Variants in RBP4 observed in about 807,000 individuals in gnomAD.
RBP4 encodes retinol-binding protein 4.
A neutral mutation model predicts 26.2 loss-of-function variants in RBP4; 9 were observed. The ratio of observed to expected loss-of-function variants is 0.34; its 90% CI spans 0.21 to 0.60. The LOEUF is 0.60. Ranked by LOEUF, RBP4 falls within the 20% of genes least tolerant of loss-of-function variation. RBP4 has a pLI of 0.80. For missense variants in RBP4, 244 were observed against 271.3 expected, an observed-to-expected ratio of 0.90 and a Z score of 0.71; for synonymous variants, 114 against 111.0, an observed-to-expected ratio of 1.03 and a Z score of -0.17.
chr10:93,596,267 A>G (rs2058302389), intron 4 of RBP4, among the ~76,000 whole-genome samples: 1 of 151,744 alleles, frequency 6.6e-6, no homozygotes, highest in South Asian at 2.1e-4. Flanking sequence ...GAATTAAGTA[A>G]CTTTCAATAC....
At chr10:93,592,824 TATTA>T (rs386746636) in intron 5 of RBP4, among the ~76,000 whole-genome samples, 3 of 150,820 alleles carry the variant, frequency 2.0e-5, no homozygotes, top group Non-Finnish European at 2.9e-5. Context: ...TTATTATTAT[TATTA>T]TTTTTTTGAG....
rs531706535 is a variant in RBP4 at position 93,591,797 on chromosome 10, C to T, written c.*278G>A. ...TATAAAGAAGCGCACCCCACCCATCCGTCTGCAGCACAGACATAAACACAA... is the reference window on the plus strand; with the variant it reads ...TATAAAGAAGCGCACCCCACCCATCTGTCTGCAGCACAGACATAAACACAA... On this transcript the variant is annotated 3_prime_UTR_variant, in exon 6 of 6. Transcript: ENST00000371464. The T allele has an allele frequency of 1.8e-5, 8 of 445,918 alleles. No homozygotes were observed. Among genetic ancestry groups the T allele is most frequent in the South Asian group, 2.6e-5 (1 of 37,742 alleles). 27.6% of individuals were successfully genotyped at this position (445,918 alleles called of 1,614,324 possible). A position where few individuals can be genotyped will look rare whatever the true frequency, so the allele number is the denominator to read the frequency against.
chr10:93,601,693 T>A (rs754634126), upstream of RBP4: 1 of 779,118 alleles, frequency 1.3e-6, no homozygotes, highest in South Asian at 1.3e-5. Flanking sequence ...GGTCCACTTG[T>A]GCAGGAATTT....
chr10:93,597,130 C>T (rs1417486268), intron 4 of RBP4, among the ~76,000 whole-genome samples: 2 of 152,222 alleles, frequency 1.3e-5, no homozygotes, highest in East Asian at 3.8e-4. Context: ...GAATTTCTGA[C>T]TCCATAATTC....
intron 5 of RBP4, among the ~76,000 whole-genome samples, chr10:93,592,758 T>A (rs923279188): frequency 2.6e-5 from 4 of 152,178 alleles, no homozygotes; most frequent in Non-Finnish European, 5.9e-5. Context: ...TAAGTTCCCA[T>A]CTGTTTGGTG....
rs556817192 is a variant in RBP4, at chr10:93,598,404, C to A, written c.355+1989G>T. Reference sequence around the variant, plus strand: ...GTGAAGGAACATATCTAAAGTTCCACAAGTAGTGGTGGAGTTGGGATTTGA... The same window carrying A: ...GTGAAGGAACATATCTAAAGTTCCAAAAGTAGTGGTGGAGTTGGGATTTGA... On this transcript the variant is annotated intron_variant, in intron 4 of 5. Coordinates refer to ENST00000371464, the MANE Select transcript of RBP4 (RefSeq NM_006744.4). Among the ~76,000 whole-genome samples the A allele has an allele frequency of 8.5e-5, 13 of 152,324 alleles. No individual in the cohort carries two copies. The South Asian group carries it at 2.7e-3, about 32-fold the overall frequency.
In RBP4 at chr10:93,600,932, A is replaced by G. The variant is rs1384395427; in HGVS notation, c.97T>C (p.Phe33Leu). 1 of 1,612,474 alleles carries G rather than the reference A, an allele frequency of 6.2e-7. No individual in the cohort carries two copies. ...CCGATACCTACGCGAGCCTTGTCGA[A>G]GTTCTCCTTGACTCGGAAGCTGCTC... ...RVSSFRVKENFDKARFSGTWY... is the reference protein window; with the variant it reads ...RVSSFRVKENLDKARFSGTWY... The change falls in exon 2 of 6, where the codon TTC becomes CTC. Residue 33 changes from phenylalanine to leucine, a missense_variant. Coordinates refer to ENST00000371464, the MANE Select transcript of RBP4 (RefSeq NM_006744.4).
intron 1 of RBP4, 48 bp downstream of exon 1, chr10:93,601,123 A>ACCCCC (rs2058336014): frequency 5.4e-6 from 4 of 740,226 alleles, no homozygotes; most frequent in African/African-American, 6.3e-5. Flanking sequence ...ACCCCACCCC[A>ACCCCC]CCCCGGCCCA....
chr10:93,597,029 T>G (rs56057449), intron 4 of RBP4, among the ~76,000 whole-genome samples: 15,050 of 152,240 alleles, frequency 0.099, 887 homozygotes, highest in African/African-American at 0.13. Context: ...CAGATTGAAT[T>G]ATCTAGACCA....
In RBP4 at chr10:93,600,968, C is replaced by A; in HGVS notation, c.61G>T (p.Asp21Tyr). ...AALGSGRAER[D>Y]CRVSSFRVKE... ...ACTCGGAAGCTGCTCACTCGGCAGT[C>A]GCGCTCCGCGCGGCCGCTGCCCAGC... Residue 21 changes from aspartate (D) to tyrosine (Y), a missense_variant, in exon 2 of 6, where the codon GAC becomes TAC. Physicochemically the swap from Asp to Tyr is radical, Grantham distance 160. Coordinates refer to ENST00000371464, the MANE Select transcript of RBP4 (RefSeq NM_006744.4). The A allele has an allele frequency of 6.2e-7, 1 of 1,612,362 alleles. No homozygotes were observed. Among genetic ancestry groups the A allele is most frequent in the Non-Finnish European group, 8.5e-7 (1 of 1,179,752 alleles).
chr10:93,592,068 G>C lies in RBP4; in HGVS notation c.*7C>G. The C allele has an allele frequency of 6.2e-7, 1 of 1,611,592 alleles. No homozygotes were observed. The highest frequency in any genetic ancestry group is 1.3e-5 in the African/African-American group (1 of 75,022). The stretch of plus-strand genomic sequence containing the variant: ...AGTTCTCAGATGAAACTAGATTCTT[G>C]ATATTGCTACAAAAGGTTTCTTTCT... On this transcript the variant is annotated 3_prime_UTR_variant, in exon 6 of 6. Coordinates refer to ENST00000371464, the MANE Select transcript of RBP4 (RefSeq NM_006744.4).
In RBP4 at chr10:93,592,254, C is replaced by T. The variant is rs574486887; in HGVS notation, c.569-142G>A. ...GCATCACAGCAGATTGCAACCCTTA[C>T]GGATACAGGTGGCTGTAATTCATAA... On this transcript the variant is annotated intron_variant, in intron 5 of 5. Transcript: ENST00000371464. 115 of 748,152 alleles carry T rather than the reference C, an allele frequency of 1.5e-4. No individual in the cohort carries two copies. The African/African-American group carries it at 1.6e-3, about 10-fold the overall frequency. 46.3% of individuals were successfully genotyped at this position (748,152 alleles called of 1,614,324 possible).
At chr10:93,599,145 A>T (rs2058319607) in intron 4 of RBP4, among the ~76,000 whole-genome samples, 1 of 152,040 alleles carries the variant, frequency 6.6e-6, no homozygotes, top group African/African-American at 2.4e-5. Flanking sequence ...GCTACTCAGG[A>T]GGCTGAGGTG....
intron 5 of RBP4, among the ~76,000 whole-genome samples, chr10:93,592,617 G>T (rs1386075782): frequency 2.0e-5 from 3 of 152,120 alleles, no homozygotes; most frequent in African/African-American, 7.2e-5. Context: ...CTTCCTCATT[G>T]TCAGCCTCTG....
In RBP4 at chr10:93,600,999, C is replaced by A; in HGVS notation, c.30G>T (p.Leu10Phe). ...CCGCGCGGCCGCTGCCCAGCGCCGC[C>A]AACAGCAAGAGCGCCCACACCCACT... MKWVWALLLLAALGSGRAER... is the reference protein window; with the variant it reads MKWVWALLLFAALGSGRAER... The change falls in exon 2 of 6, where the codon TTG becomes TTT. Residue 10 changes from leucine (L) to phenylalanine (F), a missense_variant. By Grantham distance (22) the Leu-to-Phe change is conservative. Coordinates refer to ENST00000371464, the MANE Select transcript of RBP4 (RefSeq NM_006744.4). The A allele has an allele frequency of 6.2e-7, 1 of 1,612,070 alleles. No individual in the cohort carries two copies.
intron 4 of RBP4, among the ~76,000 whole-genome samples, chr10:93,597,920 G>C (rs1274389023): frequency 6.6e-6 from 1 of 152,192 alleles, no homozygotes; most frequent in Non-Finnish European, 1.5e-5. Context: ...AGGAATGAAA[G>C]TAGAGTTTGT....
intron 5 of RBP4, 117 bp downstream of exon 5, chr10:93,593,706 A>C (rs1289877295): frequency 8.2e-7 from 1 of 1,223,092 alleles, no homozygotes; most frequent in Non-Finnish European, 1.2e-6. Context: ...AGGGGCTCCC[A>C]AGAACCCCTG....
Position 93,591,767 on chromosome 10 carries a change from C to T in RBP4, c.*308G>A. ...CAAAGGTCAGAAAGAGCCACGTGCT[C>T]CTGGTATAAAGAAGCGCACCCCACC... On this transcript the variant is annotated 3_prime_UTR_variant, in exon 6 of 6. Coordinates refer to ENST00000371464, the MANE Select transcript of RBP4 (RefSeq NM_006744.4). The T allele has an allele frequency of 2.7e-6, 1 of 367,292 alleles. No homozygotes were observed. The highest frequency in any genetic ancestry group is 5.0e-6 in the Non-Finnish European group (1 of 199,966). The allele number at this position is 367,292 out of a possible 1,614,324, so 22.8% of individuals were successfully genotyped here.
rs373070201 is a variant in RBP4 at position 93,594,004 on chromosome 10, G to A, written c.387C>T (p.Tyr129=). The A allele has an allele frequency of 3.0e-5, 48 of 1,613,764 alleles. No homozygotes were observed. The Middle Eastern group carries it at 5.0e-4, about 17-fold the overall frequency. The change falls in exon 5 of 6, where the codon TAC becomes TAT. Residue 129 remains tyrosine (Y), a synonymous_variant. Transcript: ENST00000371464. ...AGGAGTACTGCACGGCATACGTGTC[G>A]TAGTCTGTGTCGACGATCCAGTGGT... The part of the protein sequence containing the change: ...NDDHWIVDTD[Y]DTYAVQYSCR...
Sources: allele counts gnomAD v4.1 joint callset (sites outside exome capture counted in the v4.1 genomes callset), GRCh38; gene constraint gnomAD v4.1.1; transcripts MANE v1.5; gene names NCBI Gene and HGNC (gene_info 2026-07-23, HGNC 2026-07-21).